Variants in AP2A2 observed in about 807,000 individuals in gnomAD.
AP2A2 encodes the protein AP-2 complex subunit alpha-2.
Under a neutral mutation model 104.2 loss-of-function variants are expected in AP2A2, and 32 were observed. That is an observed-to-expected ratio of 0.31 (90% CI 0.23 to 0.41). The LOEUF (loss-of-function observed/expected upper bound fraction) is 0.41. AP2A2 is among the 10% of genes least tolerant of loss of function. The pLI is 1.00. For synonymous variants in AP2A2, 539 were observed against 533.3 expected, an observed-to-expected ratio of 1.01 and a Z score of -0.15; for missense variants, 912 against 1,261.0, an observed-to-expected ratio of 0.72 and a Z score of 4.19.
intron 1 of AP2A2, among the ~76,000 whole-genome samples, chr11:954,674 A>T (rs923395449): frequency 9.9e-5 from 15 of 151,774 alleles, no homozygotes; most frequent in Admixed American, 9.9e-4. Flanking sequence ...TTGTGTTTGT[A>T]TAAATGTGTA....
intron 1 of AP2A2, chr11:940,734 C>T: frequency 2.2e-6 from 1 of 447,310 alleles, no homozygotes; most frequent in East Asian, 7.0e-5. Context: ...TCTGAGCTCT[C>T]ACTTTGTGCT....
At chr11:943,594 G>A (rs1385027862) in intron 1 of AP2A2, among the ~76,000 whole-genome samples, 2 of 152,226 alleles carry the variant, frequency 1.3e-5, no homozygotes, top group African/African-American at 4.8e-5. Context: ...CAGCTTCTCT[G>A]TGGAAAGTAG....
intron 2 of AP2A2, among the ~76,000 whole-genome samples, chr11:959,864 G>A (rs1201522984): frequency 6.6e-6 from 1 of 152,210 alleles, no homozygotes; most frequent in Non-Finnish European, 1.5e-5. Flanking sequence ...GGTCAACAGG[G>A]ACCTGACCTG....
intron 2 of AP2A2, among the ~76,000 whole-genome samples, chr11:966,739 C>CTGGCTGGTGACCAGA (rs1173326445): frequency 6.6e-6 from 1 of 152,208 alleles, no homozygotes; most frequent in Non-Finnish European, 1.5e-5. Context: ...AGCAGTGCCT[C>CTGGCTGGTGACCAGA]TGGCTGGTGA....
At chr11:991,979 C>T (rs780945731) in intron 10 of AP2A2, among the ~76,000 whole-genome samples, 8 of 151,878 alleles carry the variant, frequency 5.3e-5, no homozygotes, top group African/African-American at 1.5e-4. Context: ...CAGGTGCCTC[C>T]GGGGGGCACC....
At chr11:988,739 A>G (rs1272974164) in intron 10 of AP2A2, 50 bp downstream of exon 10, 2 of 1,601,946 alleles carry the variant, frequency 1.2e-6, no homozygotes, top group African/African-American at 2.7e-5. Flanking sequence ...CGTGAATCTC[A>G]GCGGCAGGAT....
In AP2A2 at chr11:993,745, C is replaced by T. The variant is rs7104956; in HGVS notation, c.1551-9C>T. 17 of 1,575,612 alleles carry T rather than the reference C, an allele frequency of 1.1e-5. No individual in the cohort carries two copies. The highest frequency in any genetic ancestry group is 2.7e-5 in the African/African-American group (2 of 73,968). On this transcript the variant is annotated splice_polypyrimidine_tract_variant and intron_variant, in intron 12 of 21. Coordinates refer to ENST00000448903, the MANE Select transcript of AP2A2 (RefSeq NM_012305.4). The surrounding 1 kb of genome is among the most constrained non-coding windows in gnomAD (Gnocchi z 8.2). ...ACGGTGTCCCTGTGTTGTGCCTCCC[C>T]GTCCCCAGCCCGCTGATCCAGTTCC... is the stretch of plus-strand genomic sequence containing the variant.
At position 1,011,111 on chromosome 11, in the gene AP2A2, G is replaced by C. The variant is rs1441239730; in HGVS notation, c.*486G>C. ...CTTGGGAGGAGCACAGCTGACCCTG[G>C]TTTTGCTGCAGTCCCAGCTGGACTG... On this transcript the variant is annotated 3_prime_UTR_variant, in exon 22 of 22. Transcript: ENST00000448903. The C allele has an allele frequency of 6.8e-6, 4 of 584,960 alleles. No homozygotes were observed. In the Admixed American group the frequency reaches 7.5e-5, roughly 11 times the overall value. 36.2% of individuals were successfully genotyped at this position (584,960 alleles called of 1,614,324 possible). A position where few individuals can be genotyped will look rare whatever the true frequency, so the allele number is the denominator to read the frequency against.
intron 6 of AP2A2, among the ~76,000 whole-genome samples, chr11:982,841 G>A (rs1470978367): frequency 6.6e-6 from 1 of 150,804 alleles, no homozygotes; most frequent in Non-Finnish European, 1.5e-5. Context: ...AGTAGAGATG[G>A]GGTTTTTCCA....
rs931905577 is a variant in AP2A2, at chr11:925,915, C to T, written c.-107C>T. ...TGAGGCGGCCGTGGTTAGGCGGCTC[C>T]CCGGCGGCTCCTCCGCGGCGGTGAC... On this transcript the variant is annotated 5_prime_UTR_variant, in exon 1 of 22. Coordinates refer to ENST00000448903, the MANE Select transcript of AP2A2 (RefSeq NM_012305.4). The T allele has an allele frequency of 1.0e-5, 9 of 862,810 alleles. No individual in the cohort carries two copies. The African/African-American group carries it at 1.3e-4, about 12-fold the overall frequency. 53.4% of individuals were successfully genotyped at this position (862,810 alleles called of 1,614,324 possible).
In AP2A2 at chr11:1,011,109, T is replaced by C. The variant is rs1199453708; in HGVS notation, c.*484T>C. 1.7e-6 allele frequency: 1 copy of C among 585,544 alleles called. No individual in the cohort carries two copies. The highest frequency in any genetic ancestry group is 1.4e-5 in the South Asian group (1 of 71,802). The allele number at this position is 585,544 out of a possible 1,614,324, so 36.3% of individuals were successfully genotyped here. On this transcript the variant is annotated 3_prime_UTR_variant, in exon 22 of 22. Transcript: ENST00000448903. ...CCCTTGGGAGGAGCACAGCTGACCC[T>C]GGTTTTGCTGCAGTCCCAGCTGGAC...
At chr11:954,506 TTG>T (rs1272885039) in intron 1 of AP2A2, among the ~76,000 whole-genome samples, 1 of 152,186 alleles carries the variant, frequency 6.6e-6, no homozygotes, top group Non-Finnish European at 1.5e-5. Flanking sequence ...GTATTTGTGT[TTG>T]TGTACGTGTG....
chr11:925,878 G>A lies in AP2A2; in HGVS notation c.-144G>A. ...CGCGCGCGCGGCGGCCCAGAAAGCG[G>A]CGCTGGGACCCTGAGGCGGCCGTGG... On this transcript the variant is annotated 5_prime_UTR_variant, in exon 1 of 22. Coordinates refer to ENST00000448903, the MANE Select transcript of AP2A2 (RefSeq NM_012305.4). The A allele has an allele frequency of 2.0e-6, 1 of 502,208 alleles. No homozygotes were observed. The highest frequency in any genetic ancestry group is 6.7e-5 in the South Asian group (1 of 14,858). The allele number at this position is 502,208 out of a possible 1,614,324, so 31.1% of individuals were successfully genotyped here. A position where few individuals can be genotyped will look rare whatever the true frequency, so the allele number is the denominator to read the frequency against.
In AP2A2 at chr11:951,091, C is replaced by CA. The variant is rs879393709; in HGVS notation, c.68-8332dup. On this transcript the variant is annotated intron_variant, in intron 1 of 21. Transcript: ENST00000448903. ...TGGGTGACAGAGTGAGACTGCATCT[C>CA]AAAAAAAAAAAAAATTGATGAAGTA... 1.6e-3 allele frequency among the ~76,000 whole-genome samples: 190 copies of CA among 119,796 alleles called. 1 individual carries two copies. The highest frequency in any genetic ancestry group is 4.9e-3 in the East Asian group (20 of 4,096). The allele number at this position is 119,796 out of a possible 152,430, so 78.6% of individuals were successfully genotyped here. A position where few individuals can be genotyped will look rare whatever the true frequency, so the allele number is the denominator to read the frequency against.
intron 1 of AP2A2, among the ~76,000 whole-genome samples, chr11:938,198 C>T (rs553850962): frequency 3.9e-5 from 6 of 152,320 alleles, no homozygotes; most frequent in Admixed American, 3.9e-4. Flanking sequence ...TGGTGCCGCA[C>T]GAAGGCCAGC....
Position 1,009,678 on chromosome 11 carries a change from G to T in AP2A2, c.2608-5G>T. On this transcript the variant is annotated splice_polypyrimidine_tract_variant and splice_region_variant and intron_variant, in intron 20 of 21. Coordinates refer to ENST00000448903, the MANE Select transcript of AP2A2 (RefSeq NM_012305.4). ...GGGTCCTCATTCTCCTGTTTCTTTG[G>T]ACAGATCATTGGATTTGGTTCTGCA... 6.4e-7 allele frequency: 1 copy of T among 1,569,120 alleles called. No individual in the cohort carries two copies. Among genetic ancestry groups the T allele is most frequent in the South Asian group, 1.2e-5 (1 of 85,452 alleles).
At position 1,009,740 on chromosome 11, in the gene AP2A2, G is replaced by T; in HGVS notation, c.2665G>T (p.Val889Leu). 1 of 1,556,600 alleles carries T rather than the reference G, an allele frequency of 6.4e-7. No individual in the cohort carries two copies. The highest frequency in any genetic ancestry group is 8.7e-7 in the Non-Finnish European group (1 of 1,149,318). ...EEVDPNPANF[V>L]GAGIIHTKTT... ...AGTTGATCCTAATCCTGCGAATTTCGTGGGAGCTGGAATCATCCACACGAA... is the reference window on the plus strand; with the variant it reads ...AGTTGATCCTAATCCTGCGAATTTCTTGGGAGCTGGAATCATCCACACGAA... Residue 889 changes from valine to leucine, a missense_variant, in exon 21 of 22, where the codon GTG becomes TTG. Val to Leu is a conservative substitution (Grantham distance 32). Around this residue, in one of 7 missense-constraint regions of AP2A2, gnomAD observed 239 missense variants for 329.8 expected, o/e 0.72. Transcript: ENST00000448903.
At chr11:966,386 C>T (rs7394912) in intron 2 of AP2A2, among the ~76,000 whole-genome samples, 76,913 of 151,876 alleles carry the variant, frequency 0.51, 20,110 homozygotes, top group Middle Eastern at 0.66. Context: ...TGGTCCCAGC[C>T]ACTTGGGAGG....
intron 1 of AP2A2, chr11:943,077 C>G (rs946909715): frequency 6.6e-6 from 1 of 152,272 alleles, no homozygotes; most frequent in Non-Finnish European, 1.5e-5. Context: ...CAAAGGAAAG[C>G]GAGTGAGTAA....
Sources: allele counts gnomAD v4.1 joint callset (sites outside exome capture counted in the v4.1 genomes callset), GRCh38; gene constraint gnomAD v4.1.1; regional missense constraint gnomAD v4.1.1; non-coding constraint Gnocchi (gnomAD v3.1); transcripts MANE v1.5; gene names NCBI Gene and HGNC (gene_info 2026-07-23, HGNC 2026-07-21).